WDR49: variants seen among roughly 807,000 people sequenced by gnomAD.
The protein encoded by WDR49 is cilia- and flagella-associated protein 337.
WDR49 carries 107 observed loss-of-function variants against 119.5 expected under a neutral mutation model. That is an observed-to-expected ratio of 0.90 (90% CI 0.77 to 1.05). The LOEUF (loss-of-function observed/expected upper bound fraction) is 1.05. Among genes scored for constraint, WDR49 ranks in the 50% least tolerant of loss-of-function variants. The pLI is 0.00. For missense variants in WDR49, 1,240 were observed against 1,220.5 expected, an observed-to-expected ratio of 1.02 and a Z score of -0.24; for synonymous variants, 425 against 418.8, an observed-to-expected ratio of 1.01 and a Z score of -0.18.
intron 2 of WDR49, among the ~76,000 whole-genome samples, chr3:167,631,838 G>A (rs186897654): frequency 8.9e-4 from 135 of 152,254 alleles, no homozygotes; most frequent in Non-Finnish European, 1.3e-3. Context: ...CTGTTATGAA[G>A]ATTAGCTGAA....
intron 10 of WDR49, among the ~76,000 whole-genome samples, chr3:167,544,078 T>C (rs1577229147): frequency 6.8e-6 from 1 of 146,808 alleles, no homozygotes; most frequent in African/African-American, 2.5e-5. Flanking sequence ...AAAAAAAAAG[T>C]AAATAAAGTA....
intron 5 of WDR49, among the ~76,000 whole-genome samples, chr3:167,616,166 T>C (rs939033145): frequency 6.6e-6 from 1 of 152,222 alleles, no homozygotes; most frequent in Non-Finnish European, 1.5e-5. Context: ...TAGAAGCTCC[T>C]ATCCTTGCAG....
intron 7 of WDR49, among the ~76,000 whole-genome samples, chr3:167,601,078 GA>G (rs1376085403): frequency 6.6e-6 from 1 of 152,164 alleles, no homozygotes; most frequent in Non-Finnish European, 1.5e-5. Context: ...AGATATATTA[GA>G]AAACCTTTGC....
In WDR49 at chr3:167,493,250, G is replaced by C. The variant is rs1014079332; in HGVS notation, c.3031+6903C>G. ...ACCAGACTCCTGCAATGCAGGTAAG[G>C]CTTCTCCAGAACCCAGAGCTAGCAG... On this transcript the variant is annotated intron_variant, in intron 18 of 18. Coordinates refer to ENST00000682715, the MANE Select transcript of WDR49 (RefSeq NM_001366157.1). Among the ~76,000 whole-genome samples, 27 of 152,104 alleles carry C rather than the reference G, an allele frequency of 1.8e-4. 1 individual carries two copies. Among genetic ancestry groups the C allele is most frequent in the Non-Finnish European group, 3.1e-4 (21 of 68,014 alleles).
At chr3:167,537,416 T>G (rs1286555157) in intron 10 of WDR49, among the ~76,000 whole-genome samples, 2 of 151,666 alleles carry the variant, frequency 1.3e-5, no homozygotes, top group Non-Finnish European at 2.9e-5. Context: ...TCAATAAGGG[T>G]TTTTTTTCAT....
intron 7 of WDR49, among the ~76,000 whole-genome samples, chr3:167,597,851 G>C (rs1715562288): frequency 6.6e-6 from 1 of 152,160 alleles, no homozygotes; most frequent in Non-Finnish European, 1.5e-5. Context: ...TATCCCCACT[G>C]TATCTTGGAA....
In WDR49 at chr3:167,532,995, G is replaced by A. The variant is rs1752902872; in HGVS notation, c.1955-18C>T. On this transcript the variant is annotated intron_variant, in intron 11 of 18. Coordinates refer to ENST00000682715, the MANE Select transcript of WDR49 (RefSeq NM_001366157.1). Reference sequence around the variant, plus strand: ...ATAACTCCCTACACAAGACAGGATGGAGAATATAAATTGCCAGGAGATTAA... The same window carrying A: ...ATAACTCCCTACACAAGACAGGATGAAGAATATAAATTGCCAGGAGATTAA... 1 of 1,522,272 alleles carries A rather than the reference G, an allele frequency of 6.6e-7. No individual in the cohort carries two copies. Among genetic ancestry groups the A allele is most frequent in the Non-Finnish European group, 8.9e-7 (1 of 1,121,898 alleles). 94.3% of individuals were successfully genotyped at this position (1,522,272 alleles called of 1,614,324 possible). A position where few individuals can be genotyped will look rare whatever the true frequency, so the allele number is the denominator to read the frequency against.
chr3:167,497,570 G>A (rs1021864453), intron 18 of WDR49, among the ~76,000 whole-genome samples: 1 of 152,148 alleles, frequency 6.6e-6, no homozygotes, highest in Non-Finnish European at 1.5e-5. Context: ...TTCTGCCACA[G>A]ATTATATAAA....
At chr3:167,604,549 G>A (rs1377174112) in intron 5 of WDR49, 81 bp from the exon 6 acceptor site, 3 of 1,342,210 alleles carry the variant, frequency 2.2e-6, no homozygotes, top group Non-Finnish European at 2.0e-6. Flanking sequence ...GTTTTAATAT[G>A]GAAAGTTAAA....
intron 2 of WDR49, among the ~76,000 whole-genome samples, chr3:167,638,072 T>G (rs140191556): frequency 6.6e-6 from 1 of 151,594 alleles, no homozygotes; most frequent in African/African-American, 2.4e-5. Flanking sequence ...TTATTGAAAG[T>G]AATAAGAAAG....
rs1230435390 is a variant in WDR49, at chr3:167,554,785, T to C, written c.1688A>G (p.Asn563Ser). ...ATTTAGTGTATGGTGACAATATCCA[T>C]TGAAGTCCCATATCTTTAAGAGAAA... is the stretch of plus-strand genomic sequence containing the variant. Reference protein sequence around the residue: ...TDGTVKIWDFNGYCHHTLNVG... With the variant: ...TDGTVKIWDFSGYCHHTLNVG... Residue 563 changes from asparagine to serine, a missense_variant, in exon 10 of 19, where the codon AAT becomes AGT. Transcript: ENST00000682715. 6 of 1,607,032 alleles carry C rather than the reference T, an allele frequency of 3.7e-6. No homozygotes were observed. The highest frequency in any genetic ancestry group is 2.5e-6 in the Non-Finnish European group (3 of 1,178,108).
At chr3:167,567,649 T>C (rs1355937972) in intron 8 of WDR49, among the ~76,000 whole-genome samples, 1 of 152,192 alleles carries the variant, frequency 6.6e-6, no homozygotes, top group Non-Finnish European at 1.5e-5. Flanking sequence ...AAAGTACCAG[T>C]ACCATGTGTA....
upstream of WDR49, among the ~76,000 whole-genome samples, chr3:167,657,555 C>T (rs781170044): frequency 1.3e-4 from 19 of 150,994 alleles, no homozygotes; most frequent in Non-Finnish European, 2.5e-4. Flanking sequence ...AATTTATCCC[C>T]ACCAACATAT....
At chr3:167,599,040 C>G (rs1715634206) in intron 7 of WDR49, among the ~76,000 whole-genome samples, 1 of 152,138 alleles carries the variant, frequency 6.6e-6, no homozygotes, top group Non-Finnish European at 1.5e-5. Context: ...GATATGAAGC[C>G]AGCACAGCAC....
chr3:167,633,377 T>C, intron 2 of WDR49: 2 of 451,504 alleles, frequency 4.4e-6, no homozygotes, highest in Non-Finnish European at 8.9e-6. Flanking sequence ...TAGAAAGCTG[T>C]CCTAAGTGAG....
chr3:167,551,605 C>T (rs952006439), intron 10 of WDR49, among the ~76,000 whole-genome samples: 2 of 151,984 alleles, frequency 1.3e-5, no homozygotes, highest in Non-Finnish European at 2.9e-5. Flanking sequence ...GTCACCTTGG[C>T]TGAGCTACCC....
intron 18 of WDR49, among the ~76,000 whole-genome samples, chr3:167,488,145 AACACACACACACACACAC>A (rs57719248): frequency 3.6e-4 from 49 of 136,282 alleles, no homozygotes; most frequent in African/African-American, 7.4e-4. Flanking sequence ...GATACACTCA[AACACACACACACACACAC>A]ACACACACAC....
Position 167,627,142 on chromosome 3 carries a change from G to T in WDR49, c.316C>A (p.Leu106Met). 7.9e-7 allele frequency: 1 copy of T among 1,262,936 alleles called. No individual in the cohort carries two copies. Among genetic ancestry groups the T allele is most frequent in the South Asian group, 3.4e-5 (1 of 29,308 alleles). 78.2% of individuals were successfully genotyped at this position (1,262,936 alleles called of 1,614,324 possible). The change falls in exon 3 of 19, where the codon CTG becomes ATG. Residue 106 changes from leucine to methionine, a missense_variant. Transcript: ENST00000682715. ...AQDGFINWDK[L>M]TSFILLELYE... Reference sequence around the variant, plus strand: ...AGCTCTAGCAGTATAAATGAAGTCAGCTTGTCCCAATTAATGAAGCCATCT... The same window carrying T: ...AGCTCTAGCAGTATAAATGAAGTCATCTTGTCCCAATTAATGAAGCCATCT...
intron 5 of WDR49, among the ~76,000 whole-genome samples, chr3:167,620,168 A>G (rs1716799132): frequency 6.6e-6 from 1 of 152,090 alleles, no homozygotes; most frequent in African/African-American, 2.4e-5. Context: ...TTCTATGACA[A>G]TGTTTTCCTT....
Sources: gnomAD v4.1 joint callset for allele counts (sites outside exome capture counted in the v4.1 genomes callset) on GRCh38, gnomAD v4.1.1 for gene constraint, MANE v1.5 for transcripts, NCBI Gene and HGNC (gene_info 2026-07-23, HGNC 2026-07-21) for gene names.